KCNQ5: variants seen among roughly 807,000 people sequenced by gnomAD.
KCNQ5 encodes the protein potassium voltage-gated channel subfamily Q member 5, also known as potassium voltage-gated channel subfamily KQT member 5.
Under a neutral mutation model 98.2 loss-of-function variants are expected in KCNQ5, and 30 were observed. That is an observed-to-expected ratio of 0.31 (90% CI 0.23 to 0.41). KCNQ5 has a LOEUF of 0.41. KCNQ5 is among the 10% of genes least tolerant of loss of function. The pLI is 1.00. For synonymous variants in KCNQ5, 458 were observed against 449.4 expected (o/e 1.02, Z -0.24); for missense variants, 835 against 1,182.5 (o/e 0.71, Z 4.31).
At chr6:72,709,333 T>TA (rs1164454708) in intron 1 of KCNQ5, among the ~76,000 whole-genome samples, 1 of 152,188 alleles carries the variant, frequency 6.6e-6, no homozygotes, top group Non-Finnish European at 1.5e-5. Context: ...TCCCATTCAT[T>TA]AGTGAACTAA....
chr6:72,857,783 C>T lies in KCNQ5; in HGVS notation c.399-146125C>T, dbSNP rs1183911004. Among the ~76,000 whole-genome samples the T allele has an allele frequency of 3.9e-5, 6 of 152,136 alleles. No individual in the cohort carries two copies. In the South Asian group the frequency reaches 6.2e-4, roughly 16 times the overall value. ...GCAGTTATTTACTGATAGCTCAATACGTATGCAAGAGAGGAGACACAAGTG... is the reference window on the plus strand; with the variant it reads ...GCAGTTATTTACTGATAGCTCAATATGTATGCAAGAGAGGAGACACAAGTG... On this transcript the variant is annotated intron_variant, in intron 1 of 13. Transcript: ENST00000370398.
chr6:73,123,304 CA>C (rs1411902541), intron 8 of KCNQ5, among the ~76,000 whole-genome samples: 3 of 151,914 alleles, frequency 2.0e-5, no homozygotes, highest in African/African-American at 4.8e-5. Context: ...AATAGGTGGC[CA>C]GGGGGAAGAT....
chr6:72,851,051 A>T (rs1309210912), intron 1 of KCNQ5, among the ~76,000 whole-genome samples: 1 of 152,228 alleles, frequency 6.6e-6, no homozygotes, highest in African/African-American at 2.4e-5. Context: ...ATATAATAAA[A>T]GGGAGAAATT....
intron 1 of KCNQ5, among the ~76,000 whole-genome samples, chr6:72,822,973 C>A (rs1415213688): frequency 6.6e-6 from 1 of 152,136 alleles, no homozygotes; most frequent in Non-Finnish European, 1.5e-5. Context: ...CCTCCTGCTT[C>A]CTTTTTACGA....
chr6:72,849,474 TAGAA>T (rs1777157760), intron 1 of KCNQ5, among the ~76,000 whole-genome samples: 1 of 152,166 alleles, frequency 6.6e-6, no homozygotes, highest in Non-Finnish European at 1.5e-5. Flanking sequence ...TTTTTAATGA[TAGAA>T]AGATATTTCT....
At chr6:73,129,618 G>A (rs1478785795) in intron 9 of KCNQ5, among the ~76,000 whole-genome samples, 1 of 152,136 alleles carries the variant, frequency 6.6e-6, no homozygotes. Flanking sequence ...AAGATCACTG[G>A]ATATCTTTCA....
At chr6:72,923,308 G>C (rs1391226286) in intron 1 of KCNQ5, among the ~76,000 whole-genome samples, 1 of 152,150 alleles carries the variant, frequency 6.6e-6, no homozygotes, top group African/African-American at 2.4e-5. Context: ...AGGAGCCACA[G>C]AATATTCTGT....
chr6:73,169,579 A>G (rs1222759481), intron 10 of KCNQ5, among the ~76,000 whole-genome samples, 167 bp from the exon 11 acceptor site: 1 of 152,230 alleles, frequency 6.6e-6, no homozygotes, highest in African/African-American at 2.4e-5. Flanking sequence ...GAGGCTGTAG[A>G]AAAAGAAGAA....
intron 1 of KCNQ5, among the ~76,000 whole-genome samples, chr6:72,954,491 A>C (rs2150257960): frequency 6.6e-6 from 1 of 151,910 alleles, no homozygotes; most frequent in East Asian, 1.9e-4. Flanking sequence ...AAATTAACTT[A>C]CTGTATAATT....
chr6:73,142,324 T>G (rs150913678), intron 10 of KCNQ5, among the ~76,000 whole-genome samples: 11 of 152,264 alleles, frequency 7.2e-5, no homozygotes, highest in Non-Finnish European at 1.6e-4. Flanking sequence ...TGCCTTCAGA[T>G]AGATTATGTC....
At chr6:73,052,785 G>A (rs1392717786) in intron 3 of KCNQ5, among the ~76,000 whole-genome samples, 1 of 152,124 alleles carries the variant, frequency 6.6e-6, no homozygotes, top group African/African-American at 2.4e-5. Flanking sequence ...CTACAAAAAC[G>A]TGCTTAAGTA....
intron 1 of KCNQ5, among the ~76,000 whole-genome samples, chr6:72,969,790 C>T (rs902037900): frequency 1.1e-4 from 17 of 152,102 alleles, no homozygotes; most frequent in African/African-American, 3.9e-4. Context: ...ATTATCTATC[C>T]CTATTTCTGT....
intron 1 of KCNQ5, among the ~76,000 whole-genome samples, chr6:72,665,127 C>CCA (rs1766735453): frequency 6.6e-6 from 1 of 152,040 alleles, no homozygotes; most frequent in South Asian, 2.1e-4. Flanking sequence ...GTAGGTGTAT[C>CCA]ACTTGAGGTT....
chr6:72,881,076 T>TCA (rs1001806917), intron 1 of KCNQ5, among the ~76,000 whole-genome samples: 141 of 152,318 alleles, frequency 9.3e-4, no homozygotes, highest in African/African-American at 3.2e-3. Context: ...TGAGTGATTG[T>TCA]CACTACATTA....
chr6:73,124,613 G>A (rs1456605877), intron 9 of KCNQ5, 101 bp downstream of exon 9: 2 of 1,078,628 alleles, frequency 1.9e-6, no homozygotes, highest in South Asian at 1.3e-5. Flanking sequence ...ACAAATACAA[G>A]ATGATTAAAA....
chr6:72,722,849 CTTTTTTTT>C (rs539617196), intron 1 of KCNQ5, among the ~76,000 whole-genome samples: 1 of 126,342 alleles, frequency 7.9e-6, no homozygotes, highest in Admixed American at 8.1e-5. Context: ...GTTTGGTTGA[CTTTTTTTT>C]TTTTTTTTTT....
At chr6:72,654,977 C>T (rs1190906648) in intron 1 of KCNQ5, among the ~76,000 whole-genome samples, 1 of 151,946 alleles carries the variant, frequency 6.6e-6, no homozygotes, top group Non-Finnish European at 1.5e-5. Flanking sequence ...TTCCAATAAA[C>T]ACTGCTTACC....
intron 1 of KCNQ5, among the ~76,000 whole-genome samples, chr6:72,974,486 C>T (rs752605318): frequency 1.3e-5 from 2 of 151,922 alleles, no homozygotes; most frequent in African/African-American, 2.4e-5. Flanking sequence ...CTGCCAGCCT[C>T]GTGCATTTTC....
chr6:72,678,902 T>C (rs1343018169), intron 1 of KCNQ5, among the ~76,000 whole-genome samples: 1 of 152,228 alleles, frequency 6.6e-6, no homozygotes, highest in Non-Finnish European at 1.5e-5. Flanking sequence ...GAAGCACTTC[T>C]TTTATCTTAT....
Sources: gnomAD v4.1 joint callset for allele counts (sites outside exome capture counted in the v4.1 genomes callset) on GRCh38, gnomAD v4.1.1 for gene constraint, MANE v1.5 for transcripts, NCBI Gene and HGNC (gene_info 2026-07-23, HGNC 2026-07-21) for gene names.